TRAM1L1: variants seen among roughly 807,000 people sequenced by gnomAD.
TRAM1L1 encodes the protein translocating chain-associated membrane protein 1-like 1.
For missense variants in TRAM1L1, 451 were observed against 439.9 expected (o/e 1.03, Z -0.23); for synonymous variants, 189 against 163.6 (o/e 1.16, Z -1.18).
rs1055581148 is a variant in TRAM1L1 at position 117,085,552 on chromosome 4, G to T, written c.-159C>A. On this transcript the variant is annotated 5_prime_UTR_variant, in exon 1 of 1. Transcript: ENST00000310754. ...CGCCCAGAAAAAAAATAAATCAAAG[G>T]CGAGGGCCGAGCTGAGCTGAGCATG... The T allele has an allele frequency of 8.9e-6, 9 of 1,013,024 alleles. No homozygotes were observed. Among genetic ancestry groups the T allele is most frequent in the Admixed American group, 8.7e-5 (3 of 34,376 alleles). 62.8% of individuals were successfully genotyped at this position (1,013,024 alleles called of 1,614,324 possible).
At position 117,083,638 on chromosome 4, in the gene TRAM1L1, T is replaced by G. The variant is rs967813860; in HGVS notation, c.*646A>C. 1.3e-5 allele frequency: 2 copies of G among 152,550 alleles called. No individual in the cohort carries two copies. The highest frequency in any genetic ancestry group is 2.9e-5 in the Non-Finnish European group (2 of 68,004). 9.4% of individuals were successfully genotyped at this position (152,550 alleles called of 1,614,324 possible). A position where few individuals can be genotyped will look rare whatever the true frequency, so the allele number is the denominator to read the frequency against. ...ATGATTTTAATATTTTTATATTAAT[T>G]AATGATATTTTGATGCAATATATAT... On this transcript the variant is annotated 3_prime_UTR_variant, in exon 1 of 1. Coordinates refer to ENST00000310754, the MANE Select transcript of TRAM1L1 (RefSeq NM_152402.3).
chr4:117,085,497 A>T lies in TRAM1L1; in HGVS notation c.-104T>A. On this transcript the variant is annotated 5_prime_UTR_variant, in exon 1 of 1. An upstream start codon of the reference 5' UTR is lost. Coordinates refer to ENST00000310754, the MANE Select transcript of TRAM1L1 (RefSeq NM_152402.3). ...AGCAGCTCCGGGGGCTCCACTTCCC[A>T]TCCCGAAGTCAGTCCCGGGTCGCAG... The T allele has an allele frequency of 6.8e-7, 1 of 1,463,946 alleles. No individual in the cohort carries two copies. 90.7% of individuals were successfully genotyped at this position (1,463,946 alleles called of 1,614,324 possible).
Position 117,084,773 on chromosome 4 carries a change from A to G in TRAM1L1, c.621T>C (p.Ile207=). ...LVYIGLHLFH[I]TGAYLLYLNH... The stretch of plus-strand genomic sequence containing the variant: ...TCAAGTACAAGAGATAAGCTCCAGT[A>G]ATGTGGAAGAGGTGAAGACCAATGT... Residue 207 remains isoleucine (I), a synonymous_variant, in exon 1 of 1, where the codon ATT becomes ATC. Coordinates refer to ENST00000310754, the MANE Select transcript of TRAM1L1 (RefSeq NM_152402.3). 6.2e-7 allele frequency: 1 copy of G among 1,614,192 alleles called. No homozygotes were observed. Among genetic ancestry groups the G allele is most frequent in the Non-Finnish European group, 8.5e-7 (1 of 1,180,030 alleles).
chr4:117,084,324 CTA>C lies in TRAM1L1; in HGVS notation c.1068_1069del (p.Asn356LysfsTer87), dbSNP rs1560751324. On this transcript the variant is annotated frameshift_variant, in exon 1 of 1. Coordinates refer to ENST00000310754, the MANE Select transcript of TRAM1L1 (RefSeq NM_152402.3). LOFTEE classifies it high-confidence loss of function. ...TTTCCTCTTTGGCGGACAGTCTACT[CTA>C]TTTGAAGTTTCCACTCCCACTCCGT... 1 of 1,613,916 alleles carries C rather than the reference CTA, an allele frequency of 6.2e-7. No individual in the cohort carries two copies.
In TRAM1L1 at chr4:117,084,612, C is replaced by G. The variant is rs1420602472; in HGVS notation, c.782G>C (p.Arg261Thr). Residue 261 changes from arginine to threonine, a missense_variant, in exon 1 of 1, where the codon AGA (arginine) becomes ACA (threonine). By Grantham distance (71) the Arg-to-Thr change is moderately conservative. Transcript: ENST00000310754. ...TACGGAAACAATTAAAGTCACAAGT[C>G]TACCCAAGATAAACACAATGGCCCA... ...SLWAIVFILGRLVTLIVSVLT... is the reference protein window; with the variant it reads ...SLWAIVFILGTLVTLIVSVLT... 3 of 1,614,046 alleles carry G rather than the reference C, an allele frequency of 1.9e-6. No homozygotes were observed. The highest frequency in any genetic ancestry group is 2.5e-6 in the Non-Finnish European group (3 of 1,180,052).
In TRAM1L1 at chr4:117,085,219, C is replaced by G. The variant is rs1352863747; in HGVS notation, c.175G>C (p.Val59Leu). 2 of 1,613,998 alleles carry G rather than the reference C, an allele frequency of 1.2e-6. No individual in the cohort carries two copies. The highest frequency in any genetic ancestry group is 2.2e-5 in the East Asian group (1 of 44,872). ...VFLTLQHSVA[V>L]PAAEEQATGS... ...GTGGCTTGTTCCTCTGCTGCAGGGACAGCAACACTGTGCTGAAGAGTGAGA... is the reference window on the plus strand; with the variant it reads ...GTGGCTTGTTCCTCTGCTGCAGGGAGAGCAACACTGTGCTGAAGAGTGAGA... The change falls in exon 1 of 1, where the codon GTC becomes CTC. Residue 59 changes from valine to leucine, a missense_variant. Coordinates refer to ENST00000310754, the MANE Select transcript of TRAM1L1 (RefSeq NM_152402.3).
Position 117,084,488 on chromosome 4 carries a change from C to T in TRAM1L1, c.906G>A (p.Ser302=), listed in dbSNP as rs768307094. 5.0e-6 allele frequency: 8 copies of T among 1,614,056 alleles called. No individual in the cohort carries two copies. The highest frequency in any genetic ancestry group is 6.8e-6 in the Non-Finnish European group (8 of 1,180,026). ...CGTAGGCTTGGATCGTGCAACTGGA[C>T]GACAGAACAGCAATTTTAGCTGCCA... is the stretch of plus-strand genomic sequence containing the variant. The part of the protein sequence containing the change: ...NVLAAKIAVL[S]SSCTIQAYVT... The change falls in exon 1 of 1, where the codon TCG becomes TCA. Residue 302 remains serine (S), a synonymous_variant. Coordinates refer to ENST00000310754, the MANE Select transcript of TRAM1L1 (RefSeq NM_152402.3).
At position 117,084,883 on chromosome 4, in the gene TRAM1L1, A is replaced by G; in HGVS notation, c.511T>C (p.Ser171Pro). ...GCATGAAACCAGTAAGCCAACTGGG[A>G]TATGTAGAAAAACTTCATTTGAAAT... ...MTFQMKFFYISQLAYWFHAFP... is the reference protein window; with the variant it reads ...MTFQMKFFYIPQLAYWFHAFP... The change falls in exon 1 of 1, where the codon TCC becomes CCC. Residue 171 changes from serine to proline, a missense_variant. Physicochemically the swap from Ser to Pro is moderately conservative, Grantham distance 74 (BLOSUM62 -1). Transcript: ENST00000310754. The G allele has an allele frequency of 6.2e-7, 1 of 1,614,172 alleles. No homozygotes were observed. The highest frequency in any genetic ancestry group is 8.5e-7 in the Non-Finnish European group (1 of 1,180,024).
rs775345884 is a variant in TRAM1L1 at position 117,084,517 on chromosome 4, CA to C, written c.876del (p.Asn292LysfsTer20). 1 of 1,614,200 alleles carries C rather than the reference CA, an allele frequency of 6.2e-7. No individual in the cohort carries two copies. The highest frequency in any genetic ancestry group is 8.5e-7 in the Non-Finnish European group (1 of 1,180,032). ...AGAACAGCAATTTTAGCTGCCAACA[CA>C]TTTACATTTCCAGTAAGGGCATCAG... ...RNPDALTGNV[N>X]VLAAKIAVLS... On this transcript the variant is annotated frameshift_variant, in exon 1 of 1. Coordinates refer to ENST00000310754, the MANE Select transcript of TRAM1L1 (RefSeq NM_152402.3). LOFTEE classifies it low-confidence loss of function (END_TRUNC).
Position 117,085,494 on chromosome 4 carries a change from C to T in TRAM1L1, c.-101G>A. 2.0e-6 allele frequency: 3 copies of T among 1,478,880 alleles called. No homozygotes were observed. Among genetic ancestry groups the T allele is most frequent in the Non-Finnish European group, 2.7e-6 (3 of 1,102,138 alleles). The allele number at this position is 1,478,880 out of a possible 1,614,324, so 91.6% of individuals were successfully genotyped here. A position where few individuals can be genotyped will look rare whatever the true frequency, so the allele number is the denominator to read the frequency against. On this transcript the variant is annotated 5_prime_UTR_variant, in exon 1 of 1. Transcript: ENST00000310754. Reference sequence around the variant, plus strand: ...GGTAGCAGCTCCGGGGGCTCCACTTCCCATCCCGAAGTCAGTCCCGGGTCG... The same window carrying T: ...GGTAGCAGCTCCGGGGGCTCCACTTTCCATCCCGAAGTCAGTCCCGGGTCG...
Position 117,085,168 on chromosome 4 carries a change from CATA to C in TRAM1L1, c.223_225del (p.Tyr75del). 9 of 1,614,004 alleles carry C rather than the reference CATA, an allele frequency of 5.6e-6. No homozygotes were observed. The highest frequency in any genetic ancestry group is 7.6e-6 in the Non-Finnish European group (9 of 1,180,002). On this transcript the variant is annotated inframe_deletion, in exon 1 of 1. Transcript: ENST00000310754. ...AAAACCGTGGCCAAATCTTTGACAC[CATA>C]ATAATAGAGGGACTTTGAGCCCGTG...
chr4:117,085,237 G>C lies in TRAM1L1; in HGVS notation c.157C>G (p.Leu53Val), dbSNP rs1732431140. 6.2e-7 allele frequency: 1 copy of C among 1,614,018 alleles called. No individual in the cohort carries two copies. The highest frequency in any genetic ancestry group is 1.7e-5 in the Admixed American group (1 of 60,004). The change falls in exon 1 of 1, where the codon CTT becomes GTT. Residue 53 changes from leucine (L) to valine (V), a missense_variant. By Grantham distance (32) the Leu-to-Val change is conservative. Coordinates refer to ENST00000310754, the MANE Select transcript of TRAM1L1 (RefSeq NM_152402.3). Reference sequence around the variant, plus strand: ...GCAGGGACAGCAACACTGTGCTGAAGAGTGAGAAACACGATGGATGCTTCT... The same window carrying C: ...GCAGGGACAGCAACACTGTGCTGAACAGTGAGAAACACGATGGATGCTTCT... The part of the protein sequence containing the change: ...TAEASIVFLT[L>V]QHSVAVPAAE...
rs769984846 is a variant in TRAM1L1 at position 117,085,259 on chromosome 4, T to G, written c.135A>C (p.Glu45Asp). The G allele has an allele frequency of 2.9e-5, 47 of 1,613,984 alleles. No individual in the cohort carries two copies. Among genetic ancestry groups the G allele is most frequent in the Non-Finnish European group, 4.0e-5 (47 of 1,180,026 alleles). ...GAAGAGTGAGAAACACGATGGATGC[T>G]TCTGCTGTTCCCTCGAACACAAGCC... ...LLGLVFEGTAEASIVFLTLQH... is the reference protein window; with the variant it reads ...LLGLVFEGTADASIVFLTLQH... Residue 45 changes from glutamate to aspartate, a missense_variant, in exon 1 of 1, where the codon GAA becomes GAC. Coordinates refer to ENST00000310754, the MANE Select transcript of TRAM1L1 (RefSeq NM_152402.3).
chr4:117,085,234 G>T lies in TRAM1L1; in HGVS notation c.160C>A (p.Gln54Lys), dbSNP rs1732431099. The change falls in exon 1 of 1, where the codon CAG becomes AAG. Residue 54 changes from glutamine to lysine, a missense_variant. Coordinates refer to ENST00000310754, the MANE Select transcript of TRAM1L1 (RefSeq NM_152402.3). The stretch of plus-strand genomic sequence containing the variant: ...GCTGCAGGGACAGCAACACTGTGCT[G>T]AAGAGTGAGAAACACGATGGATGCT... ...AEASIVFLTL[Q>K]HSVAVPAAEE... 1 of 1,614,018 alleles carries T rather than the reference G, an allele frequency of 6.2e-7. No individual in the cohort carries two copies. Among genetic ancestry groups the T allele is most frequent in the African/African-American group, 1.3e-5 (1 of 74,918 alleles).
Position 117,085,396 on chromosome 4 carries a change from T to C in TRAM1L1, c.-3A>G, listed in dbSNP as rs113513862. On this transcript the variant is annotated 5_prime_UTR_variant, in exon 1 of 1. Transcript: ENST00000310754. ...GTGCTCTTCTTACGGAGCCCCATGG[T>C]GGCGCTTCCCGGATACTCACCGGCG... 1.9e-3 allele frequency: 3,091 copies of C among 1,602,988 alleles called. 41 individuals carry two copies. In the African/African-American group the frequency reaches 0.035, roughly 18 times the overall value.
At position 117,084,360 on chromosome 4, in the gene TRAM1L1, C is replaced by CT. The variant is rs1237787070; in HGVS notation, c.1033dup (p.Arg345LysfsTer13). 1 of 1,613,974 alleles carries CT rather than the reference C, an allele frequency of 6.2e-7. No homozygotes were observed. Among genetic ancestry groups the CT allele is most frequent in the Non-Finnish European group, 8.5e-7 (1 of 1,180,010 alleles). The stretch of plus-strand genomic sequence containing the variant: ...TTCCACTCCCACTCCGTTTTCTGTT[C>CT]TTTTTTTAGAAGATCTCGACCGTTT... On this transcript the variant is annotated frameshift_variant, in exon 1 of 1. Coordinates refer to ENST00000310754, the MANE Select transcript of TRAM1L1 (RefSeq NM_152402.3). LOFTEE classifies it low-confidence loss of function (END_TRUNC).
rs1732411119 is a variant in TRAM1L1 at position 117,084,475 on chromosome 4, T to A, written c.919A>T (p.Ile307Phe). ...KIAVLSSSCTIQAYVTWNLIT... is the reference protein window; with the variant it reads ...KIAVLSSSCTFQAYVTWNLIT... ...AAGTTCCATGTTACGTAGGCTTGGATCGTGCAACTGGACGACAGAACAGCA... is the reference window on the plus strand; with the variant it reads ...AAGTTCCATGTTACGTAGGCTTGGAACGTGCAACTGGACGACAGAACAGCA... Residue 307 changes from isoleucine to phenylalanine, a missense_variant, in exon 1 of 1, where the codon ATC becomes TTC. Physicochemically the swap from Ile to Phe is conservative, Grantham distance 21. Coordinates refer to ENST00000310754, the MANE Select transcript of TRAM1L1 (RefSeq NM_152402.3). 1.2e-6 allele frequency: 2 copies of A among 1,614,034 alleles called. No individual in the cohort carries two copies. The highest frequency in any genetic ancestry group is 2.7e-5 in the African/African-American group (2 of 74,906).
In TRAM1L1 at chr4:117,083,978, G is replaced by A. The variant is rs1478922667; in HGVS notation, c.*306C>T. ...CAGTATCATTGATATGCAAAATTGT[G>A]CAGTTATCTCTGCAAATCATTAGGA... is the stretch of plus-strand genomic sequence containing the variant. On this transcript the variant is annotated 3_prime_UTR_variant, in exon 1 of 1. Coordinates refer to ENST00000310754, the MANE Select transcript of TRAM1L1 (RefSeq NM_152402.3). 3 of 251,592 alleles carry A rather than the reference G, an allele frequency of 1.2e-5. No homozygotes were observed. The highest frequency in any genetic ancestry group is 9.6e-5 in the South Asian group (1 of 10,378). 15.6% of individuals were successfully genotyped at this position (251,592 alleles called of 1,614,324 possible).
In TRAM1L1 at chr4:117,085,439, C is replaced by T. The variant is rs371770629; in HGVS notation, c.-46G>A. On this transcript the variant is annotated 5_prime_UTR_variant, in exon 1 of 1. Coordinates refer to ENST00000310754, the MANE Select transcript of TRAM1L1 (RefSeq NM_152402.3). Reference sequence around the variant, plus strand: ...CACCGGCGAGCCGCAGCTGCCTCCCCCTGGCTGCTCCTCACAGCGCCGCCG... The same window carrying T: ...CACCGGCGAGCCGCAGCTGCCTCCCTCTGGCTGCTCCTCACAGCGCCGCCG... The T allele has an allele frequency of 1.9e-6, 3 of 1,568,442 alleles. No homozygotes were observed. The highest frequency in any genetic ancestry group is 2.6e-6 in the Non-Finnish European group (3 of 1,154,294).
Sources: gnomAD v4.1 joint callset for allele counts on GRCh38, gnomAD v4.1.1 for gene constraint, MANE v1.5 for transcripts, NCBI Gene and HGNC (gene_info 2026-07-23, HGNC 2026-07-21) for gene names.